Variants in AOPEP observed in about 807,000 individuals in gnomAD.
AOPEP encodes aminopeptidase O.
AOPEP carries 77 observed loss-of-function variants against 98.1 expected under a neutral mutation model. The ratio of observed to expected loss-of-function variants is 0.78; its 90% CI spans 0.65 to 0.95. The LOEUF (loss-of-function observed/expected upper bound fraction) is 0.95. Among genes scored for constraint, AOPEP ranks in the 40% least tolerant of loss-of-function variants. The probability of loss-of-function intolerance (pLI) is 0.00; values close to 1 mark genes in which losing one functional copy is unlikely to be tolerated. For missense variants in AOPEP, 1,024 were observed against 1,024.7 expected (o/e 1.00, Z 0.01); for synonymous variants, 346 against 365.3 (o/e 0.95, Z 0.60).
At chr9:94,932,229 A>G in intron 7 of AOPEP, 3 of 986,426 alleles carry the variant, frequency 3.0e-6, no homozygotes, top group Non-Finnish European at 3.6e-6. Flanking sequence ...TGGTCCAAGC[A>G]TCTTTTTTCT....
chr9:94,881,349 G>A (rs1295949084), intron 5 of AOPEP, among the ~76,000 whole-genome samples: 2 of 151,874 alleles, frequency 1.3e-5, no homozygotes, highest in Non-Finnish European at 2.9e-5. Context: ...TAACAGAGAA[G>A]CAGACAACTC....
intron 5 of AOPEP, among the ~76,000 whole-genome samples, chr9:94,879,240 A>G (rs1301472641): frequency 6.6e-6 from 1 of 152,218 alleles, no homozygotes; most frequent in Non-Finnish European, 1.5e-5. Context: ...CCCAGGCAAG[A>G]AGGAGGTTTG....
the AOPEP span, among the ~76,000 whole-genome samples, chr9:95,112,045 C>T: frequency 6.6e-6 from 1 of 152,238 alleles, no homozygotes; most frequent in African/African-American, 2.4e-5. Flanking sequence ...TATTTCCCTT[C>T]TGACAAGACG....
intron 5 of AOPEP, among the ~76,000 whole-genome samples, chr9:94,882,585 G>A (rs1330986803): frequency 6.6e-6 from 1 of 152,204 alleles, no homozygotes; most frequent in Non-Finnish European, 1.5e-5. Flanking sequence ...AGACCAGCCT[G>A]GCTAGTATGT....
chr9:94,967,181 T>C lies in AOPEP; in HGVS notation c.1873-577T>C, dbSNP rs1023824093. On this transcript the variant is annotated intron_variant, in intron 9 of 16. Coordinates refer to ENST00000375315, the MANE Select transcript of AOPEP (RefSeq NM_001193329.3). Reference sequence around the variant, plus strand: ...CATGCCTTTAGGTTTAAAAAACTTATCATCTAAACATCTCAAATGTCCAGT... The same window carrying C: ...CATGCCTTTAGGTTTAAAAAACTTACCATCTAAACATCTCAAATGTCCAGT... Among the ~76,000 whole-genome samples, 5 of 152,268 alleles carry C rather than the reference T, an allele frequency of 3.3e-5. No homozygotes were observed. In the South Asian group the frequency reaches 1.0e-3, roughly 32 times the overall value.
At chr9:94,918,398 G>A (rs1213436919) in intron 5 of AOPEP, among the ~76,000 whole-genome samples, 1 of 152,210 alleles carries the variant, frequency 6.6e-6, no homozygotes, top group Non-Finnish European at 1.5e-5. Context: ...TCAGGACGTG[G>A]TTGATAGCTT....
chr9:94,992,777 G>GC (rs2060980455), intron 11 of AOPEP, among the ~76,000 whole-genome samples: 1 of 152,224 alleles, frequency 6.6e-6, no homozygotes, highest in Non-Finnish European at 1.5e-5. Context: ...GGCCTGCAAT[G>GC]CAGGTGTACC....
chr9:94,843,553 G>C (rs2042520825), intron 5 of AOPEP, among the ~76,000 whole-genome samples: 1 of 152,108 alleles, frequency 6.6e-6, no homozygotes, highest in Non-Finnish European at 1.5e-5. Context: ...ACCAGAGGCT[G>C]AGCAGTCAGT....
intron 13 of AOPEP, among the ~76,000 whole-genome samples, chr9:95,049,245 C>T (rs1259938143): frequency 6.6e-6 from 1 of 152,158 alleles, no homozygotes; most frequent in East Asian, 1.9e-4. Context: ...TCAAGCTTCA[C>T]TTTGGAGTAA....
intron 5 of AOPEP, chr9:94,824,218 C>A (rs1853940217): frequency 6.6e-6 from 1 of 152,104 alleles, no homozygotes; most frequent in African/African-American, 2.4e-5. Flanking sequence ...TCTCCTTAAG[C>A]CCCCAAAAAG....
At position 95,023,421 on chromosome 9, in the gene AOPEP, G is replaced by T. The variant is rs35849146; in HGVS notation, c.2115+17805G>T. ...GGTCCCAGCCACAGGTGCAGAGGAC[G>T]CCTGCCTCCCAGGCAGACCCAGGAA... On this transcript the variant is annotated intron_variant, in intron 13 of 16. Transcript: ENST00000375315. Among the ~76,000 whole-genome samples the T allele has an allele frequency of 3.3e-4, 51 of 152,322 alleles. No individual in the cohort carries two copies. In the East Asian group the frequency reaches 6.2e-3, roughly 18 times the overall value.
the AOPEP span, among the ~76,000 whole-genome samples, chr9:95,098,502 C>T: frequency 6.6e-6 from 1 of 152,194 alleles, no homozygotes; most frequent in African/African-American, 2.4e-5. Flanking sequence ...CTCAGGCGCC[C>T]TCCTGACCCC....
chr9:95,144,728 C>A, the AOPEP span, among the ~76,000 whole-genome samples: 12 of 152,180 alleles, frequency 7.9e-5, no homozygotes, highest in Admixed American at 7.2e-4. Context: ...GTTAAATATT[C>A]TTTGTAAGTA....
At chr9:95,136,431 G>A in the AOPEP span, among the ~76,000 whole-genome samples, 1 of 151,900 alleles carries the variant, frequency 6.6e-6, no homozygotes, top group Non-Finnish European at 1.5e-5. Flanking sequence ...CCTAGTTGAT[G>A]CACTGGACCT....
intron 13 of AOPEP, among the ~76,000 whole-genome samples, chr9:95,014,056 A>T (rs1159004371): frequency 6.6e-6 from 1 of 152,254 alleles, no homozygotes; most frequent in African/African-American, 2.4e-5. Context: ...AAGGTATTAT[A>T]TATGAAGTGC....
At chr9:94,763,000 G>C in intron 2 of AOPEP, 1 of 284,414 alleles carries the variant, frequency 3.5e-6, no homozygotes, top group Non-Finnish European at 7.5e-6. Context: ...ACGGGACAGA[G>C]TCTGTCTACA....
intron 13 of AOPEP, among the ~76,000 whole-genome samples, chr9:95,018,446 GC>G (rs2063187277): frequency 6.6e-6 from 1 of 152,200 alleles, no homozygotes; most frequent in South Asian, 2.1e-4. Context: ...GAAGGCATTG[GC>G]CCAGTAAATG....
chr9:95,103,067 C>T, the AOPEP span, among the ~76,000 whole-genome samples: 1 of 152,150 alleles, frequency 6.6e-6, no homozygotes, highest in Non-Finnish European at 1.5e-5. Flanking sequence ...TGCAGCCTGT[C>T]CTTCATCAAG....
chr9:94,861,890 G>A (rs181740655), intron 5 of AOPEP, among the ~76,000 whole-genome samples: 133 of 152,322 alleles, frequency 8.7e-4, no homozygotes, highest in African/African-American at 2.8e-3. Context: ...GCTGCACTAC[G>A]TCTTTCATGA....
Sources: allele counts gnomAD v4.1 joint callset (sites outside exome capture counted in the v4.1 genomes callset), GRCh38; gene constraint gnomAD v4.1.1; transcripts MANE v1.5; gene names NCBI Gene and HGNC (gene_info 2026-07-23, HGNC 2026-07-21).